MRPL42: variants seen among roughly 807,000 people sequenced by gnomAD.
MRPL42 encodes large ribosomal subunit protein mL42.
A neutral mutation model predicts 17.9 loss-of-function variants in MRPL42; 17 were observed. That is an observed-to-expected ratio of 0.95 (90% CI 0.65 to 1.42). The LOEUF is 1.42. MRPL42 is among the 40% of genes most tolerant of loss of function. The pLI, the probability that MRPL42 is intolerant of heterozygous loss-of-function variation, is 0.00. For missense variants in MRPL42, 177 were observed against 175.2 expected (o/e 1.01, Z -0.06); for synonymous variants, 59 against 54.4 (o/e 1.08, Z -0.37).
chr12:93,475,722 C>A (rs1242203639), intron 2 of MRPL42, among the ~76,000 whole-genome samples: 1 of 152,076 alleles, frequency 6.6e-6, no homozygotes, highest in Non-Finnish European at 1.5e-5. Context: ...CGGTGGCTCA[C>A]ACCTGTAATC....
chr12:93,485,238 C>T (rs1372395982), intron 4 of MRPL42, among the ~76,000 whole-genome samples: 2 of 147,298 alleles, frequency 1.4e-5, no homozygotes, highest in African/African-American at 2.5e-5. Context: ...TCTTGGCTCA[C>T]TGCAGCCTCA....
intron 4 of MRPL42, among the ~76,000 whole-genome samples, chr12:93,485,161 CTTT>C (rs530566195): frequency 3.1e-5 from 4 of 130,912 alleles, no homozygotes; most frequent in African/African-American, 2.8e-5. Context: ...CCCACATTGC[CTTT>C]TTTTTTTTTT....
intron 4 of MRPL42, among the ~76,000 whole-genome samples, chr12:93,484,757 T>C (rs1289664686): frequency 6.6e-6 from 1 of 150,960 alleles, no homozygotes; most frequent in Non-Finnish European, 1.5e-5. Context: ...CCACAACACC[T>C]GGCTAATTTT....
intron 5 of MRPL42, chr12:93,500,938 C>T (rs1455280070): frequency 1.0e-5 from 4 of 385,040 alleles, no homozygotes; most frequent in African/African-American, 8.6e-5. Flanking sequence ...CTCTGCACTT[C>T]AGCCTGGGCA....
chr12:93,509,199 A>AAC lies in MRPL42; in HGVS notation c.*7979_*7980insCA, dbSNP rs1361437927. The AAC allele has an allele frequency of 6.6e-5, 10 of 151,706 alleles. No homozygotes were observed. The highest frequency in any genetic ancestry group is 1.3e-4 in the Non-Finnish European group (9 of 67,900). 9.4% of individuals were successfully genotyped at this position (151,706 alleles called of 1,614,324 possible). ...CGAGATTCCGTCTCAAAAAAAAAAA[A>AAC]AAAACTGCCAAAACGCTTTTTGCAA... On this transcript the variant is annotated 3_prime_UTR_variant, in exon 6 of 6. Coordinates refer to ENST00000549982, the MANE Select transcript of MRPL42 (RefSeq NM_014050.4).
In MRPL42 at chr12:93,478,942, A is replaced by ATTTATTTATTTATTTT. The variant is rs1282970400; in HGVS notation, c.135-443_135-442insATTTATTTATTTTTTT. ...TATTTATTTATTTATTTATTTATTT[A>ATTTATTTATTTATTTT]TTTTTTTGAGATGGAGTCTCATTCT... On this transcript the variant is annotated intron_variant, in intron 3 of 5. Transcript: ENST00000549982. Among the ~76,000 whole-genome samples the ATTTATTTATTTATTTT allele has an allele frequency of 6.2e-3, 473 of 76,630 alleles. 2 individuals are homozygous for ATTTATTTATTTATTTT. Among genetic ancestry groups the ATTTATTTATTTATTTT allele is most frequent in the African/African-American group, 0.016 (452 of 28,578 alleles). The allele number at this position is 76,630 out of a possible 152,430, so 50.3% of individuals were successfully genotyped here. A position where few individuals can be genotyped will look rare whatever the true frequency, so the allele number is the denominator to read the frequency against.
intron 2 of MRPL42, among the ~76,000 whole-genome samples, chr12:93,474,678 G>A (rs1020370810): frequency 2.6e-5 from 4 of 152,202 alleles, no homozygotes; most frequent in African/African-American, 7.2e-5. Flanking sequence ...CTTGAGCAGT[G>A]TTGGCCTCCC....
rs1319478977 is a variant in MRPL42, at chr12:93,511,331, C to G, written c.*10110C>G. 6.6e-6 allele frequency: 1 copy of G among 152,122 alleles called. No homozygotes were observed. The highest frequency in any genetic ancestry group is 1.5e-5 in the Non-Finnish European group (1 of 68,008). The allele number at this position is 152,122 out of a possible 1,614,324, so 9.4% of individuals were successfully genotyped here. On this transcript the variant is annotated 3_prime_UTR_variant, in exon 6 of 6. Coordinates refer to ENST00000549982, the MANE Select transcript of MRPL42 (RefSeq NM_014050.4). ...CTAAGTAATTAAAAAACTGAAAGCACAGATATTCATTATTTCACAAATAAA... is the reference window on the plus strand; with the variant it reads ...CTAAGTAATTAAAAAACTGAAAGCAGAGATATTCATTATTTCACAAATAAA...
intron 4 of MRPL42, among the ~76,000 whole-genome samples, chr12:93,483,120 C>G (rs762821339): frequency 6.6e-6 from 1 of 152,170 alleles, no homozygotes; most frequent in Non-Finnish European, 1.5e-5. Context: ...GTCTCTAACT[C>G]CTGGCCTCAA....
chr12:93,488,491 G>A (rs1953352938), intron 5 of MRPL42: 1 of 377,898 alleles, frequency 2.6e-6, no homozygotes, highest in African/African-American at 2.1e-5. Flanking sequence ...AGTGAATTTT[G>A]TAAGAGTTCT....
intron 2 of MRPL42, among the ~76,000 whole-genome samples, chr12:93,472,437 G>A (rs1223358467): frequency 3.9e-5 from 6 of 152,210 alleles, no homozygotes; most frequent in Non-Finnish European, 8.8e-5. Context: ...TTAGCTGGGC[G>A]AGGTGGTACA....
rs1199424156 is a variant in MRPL42, at chr12:93,506,667, C to T, written c.*5446C>T. ...CAAGCCACTGTGGGTTCAAAGATAG[C>T]CCTCATTCCTGATTGACAAAGTATC... is the stretch of plus-strand genomic sequence containing the variant. On this transcript the variant is annotated 3_prime_UTR_variant, in exon 6 of 6. Coordinates refer to ENST00000549982, the MANE Select transcript of MRPL42 (RefSeq NM_014050.4). 6.6e-6 allele frequency: 1 copy of T among 152,150 alleles called. No homozygotes were observed. Among genetic ancestry groups the T allele is most frequent in the Non-Finnish European group, 1.5e-5 (1 of 68,040 alleles). 9.4% of individuals were successfully genotyped at this position (152,150 alleles called of 1,614,324 possible).
rs962695705 is a variant in MRPL42 at position 93,502,176 on chromosome 12, T to A, written c.*955T>A. On this transcript the variant is annotated 3_prime_UTR_variant, in exon 6 of 6. Coordinates refer to ENST00000549982, the MANE Select transcript of MRPL42 (RefSeq NM_014050.4). Reference sequence around the variant, plus strand: ...TTTTGAAGGTTTTTTTTCCTGACTGTCTTAAAGATTATGCTAGCTTTAGAA... The same window carrying A: ...TTTTGAAGGTTTTTTTTCCTGACTGACTTAAAGATTATGCTAGCTTTAGAA... 6.6e-6 allele frequency: 1 copy of A among 152,210 alleles called. No individual in the cohort carries two copies. Among genetic ancestry groups the A allele is most frequent in the Non-Finnish European group, 1.5e-5 (1 of 68,030 alleles). 9.4% of individuals were successfully genotyped at this position (152,210 alleles called of 1,614,324 possible). A position where few individuals can be genotyped will look rare whatever the true frequency, so the allele number is the denominator to read the frequency against.
Position 93,512,026 on chromosome 12 carries a change from G to A in MRPL42, c.*10805G>A, listed in dbSNP as rs990211861. The A allele has an allele frequency of 2.6e-5, 4 of 152,176 alleles. No homozygotes were observed. The highest frequency in any genetic ancestry group is 9.7e-5 in the African/African-American group (4 of 41,434). 9.4% of individuals were successfully genotyped at this position (152,176 alleles called of 1,614,324 possible). On this transcript the variant is annotated 3_prime_UTR_variant, in exon 6 of 6. Coordinates refer to ENST00000549982, the MANE Select transcript of MRPL42 (RefSeq NM_014050.4). ...ATAAGTTTGAGATTGTTCTCTTTATGTAATAGTTTGGAAAACAAACAACTG... is the reference window on the plus strand; with the variant it reads ...ATAAGTTTGAGATTGTTCTCTTTATATAATAGTTTGGAAAACAAACAACTG...
chr12:93,476,582 T>A (rs994896000), intron 2 of MRPL42, among the ~76,000 whole-genome samples: 1 of 152,212 alleles, frequency 6.6e-6, no homozygotes, highest in South Asian at 2.1e-4. Context: ...ATTGTTTTCA[T>A]CTCTTATCAA....
intron 5 of MRPL42, among the ~76,000 whole-genome samples, chr12:93,494,839 A>T (rs1953466649): frequency 6.6e-6 from 1 of 152,246 alleles, no homozygotes; most frequent in Non-Finnish European, 1.5e-5. Flanking sequence ...AGATAAATCA[A>T]GATAGTATAT....
rs968321803 is a variant in MRPL42 at position 93,506,916 on chromosome 12, A to C, written c.*5695A>C. The C allele has an allele frequency of 6.6e-6, 1 of 152,220 alleles. No individual in the cohort carries two copies. Among genetic ancestry groups the C allele is most frequent in the African/African-American group, 2.4e-5 (1 of 41,470 alleles). 9.4% of individuals were successfully genotyped at this position (152,220 alleles called of 1,614,324 possible). On this transcript the variant is annotated 3_prime_UTR_variant, in exon 6 of 6. Coordinates refer to ENST00000549982, the MANE Select transcript of MRPL42 (RefSeq NM_014050.4). ...ATTACCATAAGAGCATAGAAGATAGAATCGTAAAGCTGAAAGACATCTTAA... is the reference window on the plus strand; with the variant it reads ...ATTACCATAAGAGCATAGAAGATAGCATCGTAAAGCTGAAAGACATCTTAA...
intron 5 of MRPL42, among the ~76,000 whole-genome samples, chr12:93,489,183 A>G (rs1254443756): frequency 1.3e-5 from 2 of 152,182 alleles, no homozygotes; most frequent in African/African-American, 4.8e-5. Flanking sequence ...GAGTAAATAA[A>G]CGGTTAAATC....
intron 4 of MRPL42, among the ~76,000 whole-genome samples, chr12:93,484,905 A>T (rs1880629008): frequency 6.9e-6 from 1 of 145,230 alleles, no homozygotes; most frequent in African/African-American, 2.5e-5. Context: ...GCCTCAAAAC[A>T]TTCTTATGCA....
Sources: gnomAD v4.1 joint callset for allele counts (sites outside exome capture counted in the v4.1 genomes callset) on GRCh38, gnomAD v4.1.1 for gene constraint, MANE v1.5 for transcripts, NCBI Gene and HGNC (gene_info 2026-07-23, HGNC 2026-07-21) for gene names.